DLG2: variants seen among roughly 807,000 people sequenced by gnomAD.
DLG2 encodes discs large MAGUK scaffold protein 2.
In DLG2, 45 loss-of-function variants were observed where a neutral mutation model predicts 132.5. The observed-to-expected ratio is 0.34, with a 90% CI of 0.27 to 0.44. The LOEUF (loss-of-function observed/expected upper bound fraction) is 0.44. Among genes scored for constraint, DLG2 ranks in the 20% least tolerant of loss-of-function variants. The pLI is 1.00. For missense variants in DLG2, 1,045 were observed against 1,196.9 expected (o/e 0.87, Z 1.87); for synonymous variants, 424 against 419.6 (o/e 1.01, Z -0.13).
intron 3 of DLG2, among the ~76,000 whole-genome samples, chr11:85,335,008 G>A (rs1455340514): frequency 6.6e-6 from 1 of 152,134 alleles, no homozygotes; most frequent in East Asian, 1.9e-4. Context: ...CTCTAATACT[G>A]TCAATGGGGT....
intron 6 of DLG2, chr11:85,020,912 A>C (rs1344697246): frequency 1.3e-6 from 1 of 769,866 alleles, no homozygotes; most frequent in Non-Finnish European, 2.4e-6. Context: ...CCTCCTCAGC[A>C]GGGTCATCTG....
rs1164430999 is a variant in DLG2, at chr11:83,954,976, G to A, written c.1340+7909C>T. 3.3e-5 allele frequency among the ~76,000 whole-genome samples: 5 copies of A among 152,174 alleles called. No individual in the cohort carries two copies. In the South Asian group the frequency reaches 8.3e-4, roughly 25 times the overall value. ...AATCCATATACGTAGATTACAACAT[G>A]TTTGAGCAGCTGCGTAATATTGTTG... On this transcript the variant is annotated intron_variant, in intron 14 of 27. Coordinates refer to ENST00000376104, the MANE Select transcript of DLG2 (RefSeq NM_001142699.3).
chr11:84,001,770 A>C (rs1040633473), intron 11 of DLG2, among the ~76,000 whole-genome samples: 1 of 152,158 alleles, frequency 6.6e-6, no homozygotes, highest in African/African-American at 2.4e-5. Flanking sequence ...TAAAATTATA[A>C]ATCAATAACA....
chr11:84,428,200 C>T (rs2098973135), intron 7 of DLG2, among the ~76,000 whole-genome samples: 1 of 152,180 alleles, frequency 6.6e-6, no homozygotes, highest in Admixed American at 6.5e-5. Flanking sequence ...TTTAAATAAC[C>T]TCTCATAGCT....
chr11:83,638,366 A>G (rs2065413348), intron 18 of DLG2, among the ~76,000 whole-genome samples: 1 of 152,180 alleles, frequency 6.6e-6, no homozygotes. Context: ...CATTACTGTG[A>G]AAGTTATTAA....
At chr11:85,019,784 C>A (rs1421885443) in intron 6 of DLG2, among the ~76,000 whole-genome samples, 2 of 152,140 alleles carry the variant, frequency 1.3e-5, no homozygotes, top group Non-Finnish European at 1.5e-5. Context: ...CATGTCCCTA[C>A]AAAGGACATG....
chr11:85,336,536 C>T (rs963331116), intron 3 of DLG2: 5 of 160,596 alleles, frequency 3.1e-5, no homozygotes, highest in African/African-American at 1.2e-4. Context: ...TCCTCCCTCT[C>T]CACTTCTCTG....
chr11:83,602,549 G>C (rs2058720068), intron 19 of DLG2, among the ~76,000 whole-genome samples: 1 of 152,230 alleles, frequency 6.6e-6, no homozygotes, highest in Non-Finnish European at 1.5e-5. Context: ...GTTAAACCAA[G>C]AAAGAGATTG....
At chr11:83,559,277 G>A (rs185070661) in intron 19 of DLG2, among the ~76,000 whole-genome samples, 81 of 152,246 alleles carry the variant, frequency 5.3e-4, no homozygotes, top group Non-Finnish European at 8.1e-4. Context: ...GGGGAAATCT[G>A]CCTGGAAAAG....
At chr11:84,845,678 C>T (rs959287919) in intron 6 of DLG2, among the ~76,000 whole-genome samples, 4 of 140,364 alleles carry the variant, frequency 2.8e-5, no homozygotes, top group Non-Finnish European at 6.2e-5. Flanking sequence ...CTGTGATCGT[C>T]ACTCTTTTTT....
At chr11:83,780,635 C>T (rs2094774876) in intron 18 of DLG2, among the ~76,000 whole-genome samples, 1 of 152,086 alleles carries the variant, frequency 6.6e-6, no homozygotes, top group Admixed American at 6.6e-5. Context: ...GCAATGAAGC[C>T]CGAATAGGTT....
chr11:83,521,351 A>G (rs2095475241), intron 21 of DLG2, among the ~76,000 whole-genome samples: 1 of 152,236 alleles, frequency 6.6e-6, no homozygotes, highest in Non-Finnish European at 1.5e-5. Flanking sequence ...TAACCTGGCA[A>G]TCAATCTAAA....
intron 19 of DLG2, chr11:83,632,646 T>C (rs2153458859): frequency 6.6e-6 from 1 of 152,292 alleles, no homozygotes; most frequent in East Asian, 1.9e-4. Flanking sequence ...TTCTGGTAAA[T>C]TGATGAGTTT....
intron 7 of DLG2, among the ~76,000 whole-genome samples, chr11:84,480,550 AAAG>A (rs1255963609): frequency 6.6e-6 from 1 of 152,088 alleles, no homozygotes; most frequent in African/African-American, 2.4e-5. Context: ...AAAAAGAAAA[AAAG>A]AAAGAAAAAA....
intron 6 of DLG2, among the ~76,000 whole-genome samples, chr11:84,772,917 C>G (rs1413660327): frequency 1.3e-5 from 2 of 151,044 alleles, no homozygotes; most frequent in Non-Finnish European, 3.0e-5. Context: ...ATCCCCAAAG[C>G]TAAAAGAAGA....
intron 7 of DLG2, among the ~76,000 whole-genome samples, chr11:84,365,682 A>AGTGT (rs1216733491): frequency 6.6e-6 from 1 of 151,454 alleles, no homozygotes; most frequent in Admixed American, 6.6e-5. Flanking sequence ...CACTGCTTTG[A>AGTGT]GTGTGTCCCA....
intron 15 of DLG2, among the ~76,000 whole-genome samples, chr11:83,879,637 C>T (rs968560061): frequency 2.0e-5 from 3 of 152,188 alleles, no homozygotes; most frequent in Admixed American, 2.0e-4. Flanking sequence ...CACCTTCCCA[C>T]ATGAAACTGG....
intron 4 of DLG2, among the ~76,000 whole-genome samples, chr11:85,216,528 G>A (rs558107814): frequency 1.1e-4 from 16 of 152,188 alleles, no homozygotes; most frequent in Admixed American, 7.9e-4. Context: ...AGTTATACAG[G>A]TTCCATACTG....
chr11:83,689,287 G>A (rs1241764644), intron 18 of DLG2, among the ~76,000 whole-genome samples: 1 of 152,106 alleles, frequency 6.6e-6, no homozygotes, highest in Non-Finnish European at 1.5e-5. Context: ...AGAGTAAGAA[G>A]CATATGCAAA....
Sources: gnomAD v4.1 joint callset for allele counts (sites outside exome capture counted in the v4.1 genomes callset) on GRCh38, gnomAD v4.1.1 for gene constraint, MANE v1.5 for transcripts, NCBI Gene and HGNC (gene_info 2026-07-23, HGNC 2026-07-21) for gene names.